Variants in CHD4 observed in about 807,000 individuals in gnomAD.
CHD4 encodes chromodomain helicase DNA binding protein 4.
In CHD4, 35 loss-of-function variants were observed where a neutral mutation model predicts 235.5. The ratio of observed to expected loss-of-function variants is 0.15; its 90% CI spans 0.11 to 0.20. CHD4 has a LOEUF of 0.20. Ranked by LOEUF, CHD4 falls within the 10% of genes least tolerant of loss-of-function variation. The pLI, the probability that CHD4 is intolerant of heterozygous loss-of-function variation, is 1.00. For synonymous variants in CHD4, 900 were observed against 850.2 expected (o/e 1.06, Z -1.02); for missense variants, 1,329 against 2,432.3 (o/e 0.55, Z 9.54).
intron 37 of CHD4, among the ~76,000 whole-genome samples, chr12:6,577,003 C>A (rs1948083249): frequency 6.6e-6 from 1 of 151,892 alleles, no homozygotes; most frequent in Non-Finnish European, 1.5e-5. Flanking sequence ...GTAGCACGAT[C>A]TCAGCTCACT....
intron 33 of CHD4, chr12:6,580,710 A>AAACAAAAAAAAC (rs1948167255): frequency 5.1e-6 from 1 of 196,060 alleles, no homozygotes; most frequent in Non-Finnish European, 9.5e-6. Context: ...CTTTGAAAAA[A>AAACAAAAAAAAC]AAAAAAAAAA....
intron 12 of CHD4, among the ~76,000 whole-genome samples, chr12:6,597,370 GCAGA>G (rs1456783298): frequency 6.6e-6 from 1 of 152,202 alleles, no homozygotes; most frequent in East Asian, 1.9e-4. Context: ...GGAAGCTGAA[GCAGA>G]CAGATTGCTT....
At position 6,593,636 on chromosome 12, in the gene CHD4, A is replaced by T. The variant is rs768399896; in HGVS notation, c.2314-20T>A. 2.5e-6 allele frequency: 4 copies of T among 1,612,130 alleles called. No individual in the cohort carries two copies. The Admixed American group carries it at 6.7e-5, about 27-fold the overall frequency. ...ATGACCCTTTGAGAAAAAAGAGGAG[A>T]GTCAGGACTGAGGGCCCCAGCACAC... On this transcript the variant is annotated intron_variant, in intron 15 of 39. Transcript: ENST00000544040. This position sits in a 1 kb window ranked among gnomAD's most constrained non-coding sequence, Gnocchi z 4.9.
intron 23 of CHD4, 106 bp from the exon 24 acceptor site, chr12:6,588,055 C>T (rs1030723590): frequency 2.0e-5 from 25 of 1,259,690 alleles, no homozygotes; most frequent in Non-Finnish European, 2.8e-5. Flanking sequence ...AGGTCCACAG[C>T]CTACATTCAT....
chr12:6,590,664 T>C (rs1445448738), intron 22 of CHD4, among the ~76,000 whole-genome samples: 3 of 151,852 alleles, frequency 2.0e-5, no homozygotes, highest in Non-Finnish European at 4.4e-5. Context: ...ACAAAAAAAT[T>C]TTTTTAGTTA....
At chr12:6,592,657 G>A (rs1371475451) in intron 18 of CHD4, 39 bp downstream of exon 18, 1 of 1,596,310 alleles carries the variant, frequency 6.3e-7, no homozygotes, top group Non-Finnish European at 8.6e-7. Flanking sequence ...AGAATGAGAG[G>A]CACAATTATG....
At chr12:6,599,293 T>C (rs2136222186) in intron 10 of CHD4, among the ~76,000 whole-genome samples, 1 of 151,804 alleles carries the variant, frequency 6.6e-6, no homozygotes, top group South Asian at 2.1e-4. Flanking sequence ...TTTAATTAGC[T>C]GGATGTGGTG....
intron 18 of CHD4, 64 bp from the exon 19 acceptor site, chr12:6,592,630 G>A: frequency 6.3e-7 from 1 of 1,587,006 alleles, no homozygotes. Context: ...AAGTGATACA[G>A]GAAATGGGCA....
At chr12:6,585,297 CTT>C (rs908078818) in intron 25 of CHD4, among the ~76,000 whole-genome samples, 6 of 151,872 alleles carry the variant, frequency 4.0e-5, no homozygotes, top group Admixed American at 3.3e-4. Context: ...CGATTCTAAT[CTT>C]TTTGAGACGG....
chr12:6,596,753 T>C (rs531448306), intron 12 of CHD4, among the ~76,000 whole-genome samples: 6 of 151,762 alleles, frequency 4.0e-5, no homozygotes, highest in African/African-American at 1.5e-4. Flanking sequence ...CAAGCTGAGA[T>C]TGCGCCACTG....
intron 25 of CHD4, chr12:6,583,860 T>C (rs1469338065): frequency 1.3e-5 from 2 of 152,792 alleles, no homozygotes; most frequent in Admixed American, 6.5e-5. Flanking sequence ...GAATTCTATA[T>C]AGCCTCTTAT....
Position 6,598,102 on chromosome 12 carries a change from T to A in CHD4, c.1687-3A>T, listed in dbSNP as rs2136220920. ...ATCACCTGACAGTGCAGCTCCAGCT[T>A]TGAGCGGAAAGAGAAAATCAGCCAC... On this transcript the variant is annotated splice_polypyrimidine_tract_variant and splice_region_variant and intron_variant, in intron 11 of 39. Transcript: ENST00000544040. 3 of 1,614,156 alleles carry A rather than the reference T, an allele frequency of 1.9e-6. No homozygotes were observed. Among genetic ancestry groups the A allele is most frequent in the African/African-American group, 1.3e-5 (1 of 75,034 alleles).
intron 37 of CHD4, 141 bp downstream of exon 37, chr12:6,577,644 G>A: frequency 9.0e-7 from 1 of 1,115,290 alleles, no homozygotes; most frequent in Non-Finnish European, 1.3e-6. Context: ...ACCCTAATGT[G>A]TAAGTTACTT....
In CHD4 at chr12:6,598,109, G is replaced by T. The variant is rs1195571432; in HGVS notation, c.1687-10C>A. On this transcript the variant is annotated splice_polypyrimidine_tract_variant and intron_variant, in intron 11 of 39. Coordinates refer to ENST00000544040, the MANE Select transcript of CHD4 (RefSeq NM_001273.5). Reference sequence around the variant, plus strand: ...GACAGTGCAGCTCCAGCTTTGAGCGGAAAGAGAAAATCAGCCACCAAGAAG... The same window carrying T: ...GACAGTGCAGCTCCAGCTTTGAGCGTAAAGAGAAAATCAGCCACCAAGAAG... 6.2e-7 allele frequency: 1 copy of T among 1,613,998 alleles called. No homozygotes were observed.
intron 37 of CHD4, among the ~76,000 whole-genome samples, chr12:6,575,795 T>C (rs1476637149): frequency 6.6e-6 from 1 of 152,138 alleles, no homozygotes; most frequent in Non-Finnish European, 1.5e-5. Context: ...CCCGTCCACC[T>C]TTCTCGTTCC....
Position 6,598,287 on chromosome 12 carries a change from G to T in CHD4, c.1621C>A (p.Arg541=). Residue 541 remains arginine (R), a synonymous_variant, in exon 11 of 40, where the codon CGG becomes AGG. Coordinates refer to ENST00000544040, the MANE Select transcript of CHD4 (RefSeq NM_001273.5). ...CCTTGCCATTTCACAAAGAACTGCCGCTCTGGCCGCCCCTCCAAGGGCTTT... is the reference window on the plus strand; with the variant it reads ...CCTTGCCATTTCACAAAGAACTGCCTCTCTGGCCGCCCCTCCAAGGGCTTT... The part of the protein sequence containing the change: ...SPKPLEGRPE[R]QFFVKWQGMS... 6.2e-7 allele frequency: 1 copy of T among 1,614,042 alleles called. No individual in the cohort carries two copies. Among genetic ancestry groups the T allele is most frequent in the African/African-American group, 1.3e-5 (1 of 75,038 alleles).
chr12:6,591,623 G>A (rs969832700), intron 21 of CHD4, 40 bp from the exon 22 acceptor site: 5 of 1,613,180 alleles, frequency 3.1e-6, no homozygotes, highest in South Asian at 2.2e-5. Context: ...AGAGTCAGAT[G>A]GTAATCCCTT....
At position 6,598,058 on chromosome 12, in the gene CHD4, C is replaced by G. The variant is rs896886174; in HGVS notation, c.1728G>C (p.Arg576=). Residue 576 remains arginine, a synonymous_variant, in exon 12 of 40, where the codon CGG becomes CGC. Transcript: ENST00000544040. ...AAGGTGGCTCATCCATATCATTCTT[C>G]CGCTGATAGTTTCGGAACATCACCT... ...HCQVMFRNYQ[R]KNDMDEPPSG... is the part of the protein sequence containing the mutation. 5.0e-6 allele frequency: 8 copies of G among 1,614,140 alleles called. No individual in the cohort carries two copies. In the African/African-American group the frequency reaches 8.0e-5, roughly 16 times the overall value.
chr12:6,585,166 C>T (rs1429588383), intron 25 of CHD4, among the ~76,000 whole-genome samples: 2 of 152,082 alleles, frequency 1.3e-5, no homozygotes, highest in South Asian at 2.1e-4. Context: ...CATTTCATAC[C>T]CCTCTATATC....
Sources: gnomAD v4.1 joint callset for allele counts (sites outside exome capture counted in the v4.1 genomes callset) on GRCh38, gnomAD v4.1.1 for gene constraint, Gnocchi (gnomAD v3.1) non-coding constraint, MANE v1.5 for transcripts, NCBI Gene and HGNC (gene_info 2026-07-23, HGNC 2026-07-21) for gene names.